Variants in PDE3B observed in about 807,000 individuals in gnomAD.
PDE3B encodes phosphodiesterase 3B, also known as cGMP-inhibited 3',5'-cyclic phosphodiesterase 3B.
A neutral mutation model predicts 116.8 loss-of-function variants in PDE3B; 66 were observed. The ratio of observed to expected loss-of-function variants is 0.56; its 90% CI spans 0.46 to 0.69. The LOEUF is 0.69. Ranked by LOEUF, PDE3B falls within the 30% of genes least tolerant of loss-of-function variation. The probability of loss-of-function intolerance (pLI) is 0.00; values close to 1 mark genes in which losing one functional copy is unlikely to be tolerated. For synonymous variants in PDE3B, 595 were observed against 533.6 expected (o/e 1.12, Z -1.59); for missense variants, 1,384 against 1,368.1 (o/e 1.01, Z -0.18).
chr11:14,848,989 T>C (rs1774143060), intron 12 of PDE3B, among the ~76,000 whole-genome samples: 1 of 152,084 alleles, frequency 6.6e-6, no homozygotes, highest in Admixed American at 6.5e-5. Flanking sequence ...AAAACTACTT[T>C]AAAGTTCATA....
chr11:14,886,516 C>T, the PDE3B span: 1 of 154,118 alleles, frequency 6.5e-6, no homozygotes, highest in Admixed American at 6.4e-5. Context: ...GCATTTACCA[C>T]ATAGGTTAGG....
chr11:14,811,863 T>C (rs1859143684), intron 5 of PDE3B, among the ~76,000 whole-genome samples: 1 of 152,200 alleles, frequency 6.6e-6, no homozygotes, highest in Admixed American at 6.5e-5. Flanking sequence ...TCACGTCCCT[T>C]GTAAGTTGGA....
At chr11:14,678,625 A>G (rs1854602023) in intron 1 of PDE3B, among the ~76,000 whole-genome samples, 1 of 152,148 alleles carries the variant, frequency 6.6e-6, no homozygotes, top group Admixed American at 6.6e-5. Flanking sequence ...GTTTATTTAC[A>G]TTATATATCA....
chr11:14,710,856 A>C (rs1262056590), intron 1 of PDE3B, among the ~76,000 whole-genome samples: 2 of 152,172 alleles, frequency 1.3e-5, no homozygotes, highest in African/African-American at 4.8e-5. Context: ...AATGTGGTTT[A>C]AGTTGGATTT....
At chr11:14,864,073 GAC>G (rs782229124) in intron 14 of PDE3B, among the ~76,000 whole-genome samples, 54 of 152,174 alleles carry the variant, frequency 3.5e-4, no homozygotes, top group Admixed American at 2.2e-3. Flanking sequence ...CTCACGTGCA[GAC>G]ACACATAGGC....
intron 5 of PDE3B, among the ~76,000 whole-genome samples, chr11:14,809,124 A>G (rs999184522): frequency 6.6e-6 from 1 of 152,224 alleles, no homozygotes; most frequent in Non-Finnish European, 1.5e-5. Context: ...GGCTACAGTA[A>G]TTTAGTATGG....
intron 4 of PDE3B, among the ~76,000 whole-genome samples, chr11:14,800,091 G>A (rs1858701622): frequency 6.6e-6 from 1 of 152,112 alleles, no homozygotes; most frequent in East Asian, 1.9e-4. Flanking sequence ...CATGTTTAGT[G>A]CTTCCTTCAG....
chr11:14,743,759 G>A (rs1433110622), intron 1 of PDE3B, among the ~76,000 whole-genome samples: 1 of 152,186 alleles, frequency 6.6e-6, no homozygotes, highest in African/African-American at 2.4e-5. Flanking sequence ...TATCTGGGCC[G>A]CAATGCACCA....
At chr11:14,868,893 C>T (rs1340551892) in intron 15 of PDE3B, among the ~76,000 whole-genome samples, 4 of 151,932 alleles carry the variant, frequency 2.6e-5, no homozygotes, top group Admixed American at 6.6e-5. Flanking sequence ...TGGTGGCAGG[C>T]GCCTGTAGTC....
chr11:14,769,640 T>C (rs1184853692), intron 1 of PDE3B, among the ~76,000 whole-genome samples: 2 of 147,402 alleles, frequency 1.4e-5, no homozygotes, highest in African/African-American at 4.9e-5. Context: ...ATATGTAAAA[T>C]ATATGTACAT....
chr11:14,873,372 G>A (rs962950829), downstream of PDE3B, among the ~76,000 whole-genome samples: 4 of 152,086 alleles, frequency 2.6e-5, no homozygotes, highest in Non-Finnish European at 4.4e-5. Flanking sequence ...TTGACAGAAC[G>A]GCAGAGCAAG....
At chr11:14,721,696 T>G in intron 1 of PDE3B, among the ~76,000 whole-genome samples, 1 of 94,598 alleles carries the variant, frequency 1.1e-5, no homozygotes, top group Non-Finnish European at 2.0e-5. Context: ...ACACCGCATA[T>G]TCTCACTCAT....
chr11:14,779,606 A>G (rs561477822), intron 2 of PDE3B, among the ~76,000 whole-genome samples: 131 of 152,320 alleles, frequency 8.6e-4, no homozygotes, highest in African/African-American at 3.0e-3. Flanking sequence ...TCCTTTACAG[A>G]CAAGCAAATG....
At chr11:14,830,607 T>C (rs1428300427) in intron 7 of PDE3B, 91 bp from the exon 8 acceptor site, 2 of 518,894 alleles carry the variant, frequency 3.9e-6, no homozygotes, top group East Asian at 3.6e-5. Context: ...ATTCATTTTA[T>C]CTAAATATTT....
intron 3 of PDE3B, chr11:14,788,896 T>G (rs554632845): frequency 9.5e-5 from 34 of 359,400 alleles, no homozygotes; most frequent in African/African-American, 7.0e-4. Flanking sequence ...AGTTCAGACA[T>G]ATTTTTTAGT....
the PDE3B span, chr11:14,887,538 CTTTGA>C: frequency 2.4e-5 from 22 of 925,154 alleles, no homozygotes; most frequent in Non-Finnish European, 2.8e-5. Flanking sequence ...CTTATATATT[CTTTGA>C]TTTATTCAAT....
intron 1 of PDE3B, among the ~76,000 whole-genome samples, chr11:14,743,233 T>C (rs1856817072): frequency 6.6e-6 from 1 of 152,198 alleles, no homozygotes; most frequent in Admixed American, 6.5e-5. Flanking sequence ...CTGGGGCTGC[T>C]GCCTTTATTT....
At chr11:14,778,966 A>G (rs1320775464) in intron 2 of PDE3B, among the ~76,000 whole-genome samples, 2 of 152,224 alleles carry the variant, frequency 1.3e-5, no homozygotes, top group East Asian at 3.9e-4. Context: ...AACAGTGTAT[A>G]GAAGACTTTA....
At chr11:14,886,537 T>G in the PDE3B span, 1 of 153,402 alleles carries the variant, frequency 6.5e-6, no homozygotes, top group Admixed American at 6.5e-5. Flanking sequence ...TGGCTGCCTC[T>G]CAGTTAAGGG....
Sources: gnomAD v4.1 joint callset for allele counts (sites outside exome capture counted in the v4.1 genomes callset) on GRCh38, gnomAD v4.1.1 for gene constraint, MANE v1.5 for transcripts, NCBI Gene and HGNC (gene_info 2026-07-23, HGNC 2026-07-21) for gene names.